The following KANK3 variants were observed in gnomAD, a reference collection of about 807,000 sequenced individuals.
KANK3 encodes the protein KN motif and ankyrin repeat domains 3, also known as KN motif and ankyrin repeat domain-containing protein 3.
Under a neutral mutation model 65.4 loss-of-function variants are expected in KANK3, and 61 were observed. The ratio of observed to expected loss-of-function variants is 0.93; its 90% CI spans 0.76 to 1.15. The LOEUF (loss-of-function observed/expected upper bound fraction) is 1.15, where lower values mean the gene tolerates loss of function less well. Among genes scored for constraint, KANK3 ranks in the 50% most tolerant of loss-of-function variants. KANK3 has a pLI of 0.00. For synonymous variants in KANK3, 586 were observed against 543.3 expected (o/e 1.08, Z -1.09); for missense variants, 1,187 against 1,178.8 (o/e 1.01, Z -0.10).
At chr19:8,338,969 G>T (rs1970687175) in intron 1 of KANK3, among the ~76,000 whole-genome samples, 1 of 150,430 alleles carries the variant, frequency 6.6e-6, no homozygotes, top group Middle Eastern at 3.5e-3. Context: ...ATGGGGAATT[G>T]CGGGCTGGAT....
intron 7 of KANK3, 26 bp downstream of exon 7, chr19:8,332,988 C>CA: frequency 3.8e-6 from 1 of 262,888 alleles, no homozygotes; most frequent in Non-Finnish European, 7.7e-6. Context: ...TTCCTGGTGT[C>CA]CCACCCACCC....
intron 7 of KANK3, among the ~76,000 whole-genome samples, chr19:8,328,431 A>T (rs1465690039): frequency 1.5e-5 from 2 of 137,160 alleles, no homozygotes; most frequent in South Asian, 2.4e-4. Context: ...ACACACACAC[A>T]CACTCAAAAC....
At chr19:8,332,888 G>A in intron 7 of KANK3, 126 bp downstream of exon 7, 3 of 560,838 alleles carry the variant, frequency 5.3e-6, no homozygotes, top group South Asian at 5.6e-5. Flanking sequence ...ACTCAAGGAG[G>A]AGTGGTGCCC....
In KANK3 at chr19:8,322,813, A is replaced by G. The variant is rs1261228031; in HGVS notation, c.*26T>C. ...CTGACGAGGAGATCTCCCCACAGCTAGGTGTAGTGAGCCAGACGAGGCAGC... is the reference window on the plus strand; with the variant it reads ...CTGACGAGGAGATCTCCCCACAGCTGGGTGTAGTGAGCCAGACGAGGCAGC... On this transcript the variant is annotated 3_prime_UTR_variant, in exon 11 of 11. Transcript: ENST00000330915. 2.6e-6 allele frequency: 4 copies of G among 1,552,106 alleles called. No individual in the cohort carries two copies. The highest frequency in any genetic ancestry group is 1.7e-5 in the Admixed American group (1 of 58,642).
chr19:8,342,209 T>G (rs115604857), intron 1 of KANK3, among the ~76,000 whole-genome samples: 7,432 of 152,178 alleles, frequency 0.049, 225 homozygotes, highest in East Asian at 0.089. Flanking sequence ...GTCAGTCTGG[T>G]CTCAAACTCC....
intron 2 of KANK3, 148 bp downstream of exon 2, chr19:8,337,647 T>G: frequency 1.1e-6 from 1 of 937,988 alleles, no homozygotes; most frequent in Non-Finnish European, 1.7e-6. Context: ...CACCCGGCCA[T>G]GATTGATGCC....
intron 7 of KANK3, 167 bp downstream of exon 7, chr19:8,332,847 A>C: frequency 2.6e-6 from 1 of 389,100 alleles, no homozygotes; most frequent in Admixed American, 4.5e-5. Flanking sequence ...AAAATAAAAT[A>C]AAATAATAAA....
At position 8,335,359 on chromosome 19, in the gene KANK3, C is replaced by G. The variant is rs563641846; in HGVS notation, c.468G>C (p.Gly156=). The change falls in exon 3 of 11, where the codon GGG becomes GGC. Residue 156 remains glycine (G), a synonymous_variant. Transcript: ENST00000330915. Reference sequence around the variant, plus strand: ...CGGACCCGCGTGGGCTGCGCGGGACCCCGCGGCCGGGGCTGGGCGCGCGCT... The same window carrying G: ...CGGACCCGCGTGGGCTGCGCGGGACGCCGCGGCCGGGGCTGGGCGCGCGCT... ...THERAPSPGR[G]VPRSPRGSGR... is the part of the protein sequence containing the mutation. 62 of 1,195,476 alleles carry G rather than the reference C, an allele frequency of 5.2e-5. 1 individual carries two copies. In the South Asian group the frequency reaches 5.4e-4, roughly 10 times the overall value. The allele number at this position is 1,195,476 out of a possible 1,614,324, so 74.1% of individuals were successfully genotyped here.
intron 1 of KANK3, among the ~76,000 whole-genome samples, chr19:8,340,334 A>T (rs1970710098): frequency 6.6e-6 from 1 of 150,552 alleles, no homozygotes; most frequent in Non-Finnish European, 1.5e-5. Flanking sequence ...CCCATACAAC[A>T]CTTTGCATAC....
chr19:8,325,044 C>T lies in KANK3; in HGVS notation c.1989G>A (p.Leu663=), dbSNP rs900575982. 4 of 1,613,998 alleles carry T rather than the reference C, an allele frequency of 2.5e-6. No homozygotes were observed. The African/African-American group carries it at 4.0e-5, about 16-fold the overall frequency. The change falls in exon 8 of 11, where the codon CTG becomes CTA. Residue 663 remains leucine (L), a synonymous_variant. Transcript: ENST00000330915. ...CCTGCCTCACAGAGGTGAGTGCAGC[C>T]AGCATGAGGGCCGAGTAGCCGGCTC... ...QNRAGYSALM[L]AALTSVRQEE...
chr19:8,324,045 C>G (rs1970373744), intron 10 of KANK3, among the ~76,000 whole-genome samples: 1 of 152,190 alleles, frequency 6.6e-6, no homozygotes, highest in East Asian at 1.9e-4. Context: ...TCTCTGTGAC[C>G]TTAGGTTACT....
chr19:8,335,471 A>C lies in KANK3; in HGVS notation c.356T>G (p.Leu119Arg). 8.9e-6 allele frequency: 11 copies of C among 1,235,206 alleles called. No homozygotes were observed. The highest frequency in any genetic ancestry group is 1.1e-5 in the Non-Finnish European group (11 of 985,918). The allele number at this position is 1,235,206 out of a possible 1,614,324, so 76.5% of individuals were successfully genotyped here. A position where few individuals can be genotyped will look rare whatever the true frequency, so the allele number is the denominator to read the frequency against. ...GAPSGLLMQPLSPRAPVRNPR... is the reference protein window; with the variant it reads ...GAPSGLLMQPRSPRAPVRNPR... The stretch of plus-strand genomic sequence containing the variant: ...GTTGCGCACGGGCGCGCGCGGCGAC[A>C]GCGGCTGCATCAGGAGCCCCGAGGG... The change falls in exon 3 of 11, where the codon CTG becomes CGG. Residue 119 changes from leucine (L) to arginine (R), a missense_variant. By Grantham distance (102) the Leu-to-Arg change is moderately radical. Around this residue, in one of 3 missense-constraint regions of KANK3, gnomAD observed 1,078 missense variants for 1,038.2 expected, o/e 1.04. Transcript: ENST00000330915.
chr19:8,327,972 C>T (rs531874713), intron 7 of KANK3, among the ~76,000 whole-genome samples: 1 of 152,250 alleles, frequency 6.6e-6, no homozygotes, highest in African/African-American at 2.4e-5. Flanking sequence ...GCTACCTTGA[C>T]CTTGCTTAAC....
Position 8,335,723 on chromosome 19 carries a change from G to T in KANK3, c.104C>A (p.Ser35Ter). 1.6e-6 allele frequency: 2 copies of T among 1,248,122 alleles called. No individual in the cohort carries two copies. Among genetic ancestry groups the T allele is most frequent in the Middle Eastern group, 2.3e-4 (1 of 4,368 alleles). The allele number at this position is 1,248,122 out of a possible 1,614,324, so 77.3% of individuals were successfully genotyped here. A position where few individuals can be genotyped will look rare whatever the true frequency, so the allele number is the denominator to read the frequency against. Residue 35 changes from serine (S) to a stop codon, truncating the protein, a stop_gained, in exon 3 of 11, where the codon TCG becomes TAG. Coordinates refer to ENST00000330915, the MANE Select transcript of KANK3 (RefSeq NM_198471.3). LOFTEE classifies it high-confidence loss of function. ...GGARSPSSPY[S>*]VETPYGFHLD... ...GTGGAAGCCGTAGGGCGTCTCCACC[G>T]AGTAGGGCGAGCTCGGGCTGCGTGC...
intron 2 of KANK3, among the ~76,000 whole-genome samples, chr19:8,336,972 T>C (rs1397165418): frequency 6.6e-6 from 1 of 151,932 alleles, no homozygotes; most frequent in African/African-American, 2.4e-5. Flanking sequence ...GAGGGCTACC[T>C]GGGGTGGCAG....
Position 8,334,588 on chromosome 19 carries a change from C to G in KANK3, c.1239G>C (p.Ala413=), listed in dbSNP as rs570077993. Residue 413 remains alanine, a synonymous_variant, in exon 3 of 11, where the codon GCG becomes GCC. Transcript: ENST00000330915. ...QTPWSCAEKA[A]QTESPAEAPS... ...GCGCCTCTGCCGGGGACTCGGTCTG[C>G]GCGGCCTTTTCGGCACAGCTCCACG... is the stretch of plus-strand genomic sequence containing the variant. The G allele has an allele frequency of 6.3e-7, 1 of 1,593,264 alleles. No homozygotes were observed. The highest frequency in any genetic ancestry group is 1.7e-5 in the Admixed American group (1 of 58,894).
rs59607185 is a variant in KANK3, at chr19:8,329,492, C to CAA, written c.1936+3520_1936+3521dup. 4.2e-3 allele frequency among the ~76,000 whole-genome samples: 213 copies of CAA among 51,110 alleles called. 17 individuals carry two copies. The highest frequency in any genetic ancestry group is 8.9e-3 in the African/African-American group (122 of 13,762). The allele number at this position is 51,110 out of a possible 152,430, so 33.5% of individuals were successfully genotyped here. A position where few individuals can be genotyped will look rare whatever the true frequency, so the allele number is the denominator to read the frequency against. The stretch of plus-strand genomic sequence containing the variant: ...CAGGCAACAGAGCAAGACTCGGCCT[C>CAA]AAAAAAAAAAAAAAAAAAAAAAAAA... On this transcript the variant is annotated intron_variant, in intron 7 of 10. Coordinates refer to ENST00000330915, the MANE Select transcript of KANK3 (RefSeq NM_198471.3).
In KANK3 at chr19:8,334,579, C is replaced by T. The variant is rs766327411; in HGVS notation, c.1248G>A (p.Glu416=). ...TCAAGGAGGGCGCCTCTGCCGGGGA[C>T]TCGGTCTGCGCGGCCTTTTCGGCAC... The part of the protein sequence containing the change: ...WSCAEKAAQT[E]SPAEAPSLTQ... Residue 416 remains glutamate, a synonymous_variant, in exon 3 of 11, where the codon GAG becomes GAA. Coordinates refer to ENST00000330915, the MANE Select transcript of KANK3 (RefSeq NM_198471.3). 1 of 1,596,128 alleles carries T rather than the reference C, an allele frequency of 6.3e-7. No homozygotes were observed. Among genetic ancestry groups the T allele is most frequent in the Non-Finnish European group, 8.5e-7 (1 of 1,177,940 alleles).
intron 7 of KANK3, among the ~76,000 whole-genome samples, 198 bp from the exon 8 acceptor site, chr19:8,325,294 A>ATTTTTTTTTTTT (rs1970406243): frequency 1.5e-5 from 1 of 66,496 alleles, no homozygotes; most frequent in Non-Finnish European, 3.2e-5. Context: ...TTCCTGTTTC[A>ATTTTTTTTTTTT]TCTTTTTTTT....
Sources: allele counts gnomAD v4.1 joint callset (sites outside exome capture counted in the v4.1 genomes callset), GRCh38; gene constraint gnomAD v4.1.1; regional missense constraint gnomAD v4.1.1; transcripts MANE v1.5; gene names NCBI Gene and HGNC (gene_info 2026-07-23, HGNC 2026-07-21).